ESRRG: variants seen among roughly 807,000 people sequenced by gnomAD.
ESRRG encodes estrogen-related receptor gamma.
A neutral mutation model predicts 44.0 loss-of-function variants in ESRRG; 13 were observed. The ratio of observed to expected loss-of-function variants is 0.30; its 90% CI spans 0.19 to 0.47. The LOEUF (loss-of-function observed/expected upper bound fraction) is 0.47. Among genes scored for constraint, ESRRG ranks in the 20% least tolerant of loss-of-function variants. The pLI is 1.00. For synonymous variants in ESRRG, 215 were observed against 214.6 expected, an observed-to-expected ratio of 1.00 and a Z score of -0.02; for missense variants, 395 against 580.6, an observed-to-expected ratio of 0.68 and a Z score of 3.29.
chr1:216,775,255 G>A (rs2093558287), intron 2 of ESRRG, among the ~76,000 whole-genome samples: 1 of 151,978 alleles, frequency 6.6e-6, no homozygotes. Context: ...GGTTTCCTGG[G>A]TTCTAAGATC....
intron 2 of ESRRG, among the ~76,000 whole-genome samples, chr1:216,770,813 C>CTTG (rs1171352482): frequency 6.6e-6 from 1 of 152,020 alleles, no homozygotes; most frequent in African/African-American, 2.4e-5. Context: ...ACTGTCAAGT[C>CTTG]CCTACCACAA....
intron 1 of ESRRG, among the ~76,000 whole-genome samples, chr1:217,052,889 G>C (rs2086303379): frequency 1.3e-5 from 2 of 152,130 alleles, no homozygotes; most frequent in African/African-American, 4.8e-5. Flanking sequence ...ATCACTAAAA[G>C]GGCTTTACAT....
intron 2 of ESRRG, among the ~76,000 whole-genome samples, chr1:216,926,789 A>G (rs1436948706): frequency 6.6e-6 from 1 of 152,176 alleles, no homozygotes; most frequent in Non-Finnish European, 1.5e-5. Flanking sequence ...GTGACAAAAA[A>G]GCCTGGAAGA....
At chr1:216,665,455 C>T (rs974710556) in intron 2 of ESRRG, among the ~76,000 whole-genome samples, 1 of 152,084 alleles carries the variant, frequency 6.6e-6, no homozygotes, top group African/African-American at 2.4e-5. Context: ...AAGACAAAGA[C>T]TGCATGATTC....
intron 2 of ESRRG, among the ~76,000 whole-genome samples, chr1:216,869,782 T>G (rs1314985383): frequency 6.6e-6 from 1 of 152,030 alleles, no homozygotes. Flanking sequence ...ATTAAATGTA[T>G]AACTATATAT....
At chr1:216,663,645 CA>C (rs11356808) in intron 2 of ESRRG, among the ~76,000 whole-genome samples, 87,604 of 151,246 alleles carry the variant, frequency 0.58, 27,934 homozygotes, top group Middle Eastern at 0.73. Context: ...ATAAGAAAAA[CA>C]AAAAAAAGAG....
At chr1:217,065,781 A>G (rs1009714680) in intron 1 of ESRRG, among the ~76,000 whole-genome samples, 2 of 152,348 alleles carry the variant, frequency 1.3e-5, no homozygotes, top group African/African-American at 2.4e-5. Context: ...TCCCTCTAGA[A>G]GCAAATATAA....
chr1:216,914,275 T>G (rs544850059), intron 2 of ESRRG, among the ~76,000 whole-genome samples: 3 of 152,164 alleles, frequency 2.0e-5, no homozygotes, highest in Non-Finnish European at 2.9e-5. Flanking sequence ...AGAGGAAAAT[T>G]CTGGTTTTTT....
intron 2 of ESRRG, among the ~76,000 whole-genome samples, chr1:216,844,353 G>A (rs1559843817): frequency 1.3e-5 from 2 of 152,208 alleles, no homozygotes; most frequent in African/African-American, 4.8e-5. Context: ...TCTCCATTAA[G>A]TCCCTCAGCT....
chr1:216,617,959 TG>T (rs1439627057), intron 3 of ESRRG, among the ~76,000 whole-genome samples: 2 of 152,206 alleles, frequency 1.3e-5, no homozygotes, highest in Non-Finnish European at 2.9e-5. Context: ...GGAAGGTTGA[TG>T]GCATGAATAT....
intron 5 of ESRRG, among the ~76,000 whole-genome samples, chr1:216,555,955 G>T (rs984730674): frequency 6.6e-6 from 1 of 152,050 alleles, no homozygotes; most frequent in African/African-American, 2.4e-5. Context: ...GTGGGATTAG[G>T]GTTGGAGAGA....
intron 1 of ESRRG, among the ~76,000 whole-genome samples, chr1:217,122,313 T>G (rs1365468224): frequency 1.3e-5 from 2 of 152,126 alleles, no homozygotes; most frequent in African/African-American, 4.8e-5. Context: ...AGTAGTAGTT[T>G]AAACCATGGG....
intron 3 of ESRRG, among the ~76,000 whole-genome samples, chr1:216,597,011 C>A (rs1282032875): frequency 1.3e-5 from 2 of 152,020 alleles, no homozygotes; most frequent in Non-Finnish European, 2.9e-5. Context: ...TTTCTGTTAT[C>A]CTTTTTAAAT....
chr1:216,855,842 CAG>C (rs926788739), intron 2 of ESRRG, among the ~76,000 whole-genome samples: 17 of 152,130 alleles, frequency 1.1e-4, no homozygotes, highest in Admixed American at 3.3e-4. Context: ...AAGGACTGTG[CAG>C]AGTGTGTTTT....
intron 3 of ESRRG, among the ~76,000 whole-genome samples, chr1:216,633,023 C>G (rs1320110016): frequency 2.0e-5 from 3 of 152,058 alleles, no homozygotes. Context: ...TTGAGCTATC[C>G]TCAACATACA....
At chr1:217,129,384 G>A (rs1383198917) in intron 1 of ESRRG, among the ~76,000 whole-genome samples, 2 of 152,172 alleles carry the variant, frequency 1.3e-5, no homozygotes, top group Non-Finnish European at 2.9e-5. Flanking sequence ...CATTTTTAAT[G>A]GGAATGTAAA....
chr1:216,574,180 T>TGATA, intron 3 of ESRRG, among the ~76,000 whole-genome samples: 1 of 152,154 alleles, frequency 6.6e-6, no homozygotes, highest in East Asian at 1.9e-4. Flanking sequence ...TGCCATTATC[T>TGATA]TTCTTCTAAA....
intron 5 of ESRRG, among the ~76,000 whole-genome samples, chr1:216,530,513 C>CA (rs1466830675): frequency 6.6e-6 from 1 of 152,038 alleles, no homozygotes; most frequent in Non-Finnish European, 1.5e-5. Context: ...GGTATCTTGT[C>CA]AAAAAGATCT....
chr1:216,834,089 G>A (rs991562662), intron 2 of ESRRG, among the ~76,000 whole-genome samples: 2 of 152,138 alleles, frequency 1.3e-5, no homozygotes, highest in African/African-American at 4.8e-5. Flanking sequence ...AAAGTTGAAA[G>A]AGAAAGAGCT....
Sources: gnomAD v4.1 joint callset for allele counts (sites outside exome capture counted in the v4.1 genomes callset) on GRCh38, gnomAD v4.1.1 for gene constraint, MANE v1.5 for transcripts, NCBI Gene and HGNC (gene_info 2026-07-23, HGNC 2026-07-21) for gene names.